The following MED25 variants were observed in gnomAD, a reference collection of about 807,000 sequenced individuals.
The protein encoded by MED25 is mediator complex subunit 25.
MED25 carries 62 observed loss-of-function variants against 89.4 expected under a neutral mutation model. The observed-to-expected ratio is 0.69, with a 90% CI of 0.57 to 0.86. The LOEUF (loss-of-function observed/expected upper bound fraction) is 0.86, where lower values mean the gene tolerates loss of function less well. Ranked by LOEUF, MED25 falls within the 40% of genes least tolerant of loss-of-function variation. The probability of loss-of-function intolerance (pLI) is 0.00; values close to 1 mark genes in which losing one functional copy is unlikely to be tolerated. For synonymous variants in MED25, 449 were observed against 427.9 expected (o/e 1.05, Z -0.61); for missense variants, 905 against 1,005.2 (o/e 0.90, Z 1.35).
chr19:49,831,861 A>G lies in MED25; in HGVS notation c.1231-75A>G. The G allele has an allele frequency of 7.4e-7, 1 of 1,352,234 alleles. No individual in the cohort carries two copies. Among genetic ancestry groups the G allele is most frequent in the Non-Finnish European group, 1.1e-6 (1 of 942,622 alleles). The allele number at this position is 1,352,234 out of a possible 1,614,324, so 83.8% of individuals were successfully genotyped here. A position where few individuals can be genotyped will look rare whatever the true frequency, so the allele number is the denominator to read the frequency against. ...GAACATCCTGAGCTTTGGGGCTACC[A>G]GGGTAGGACATGAGGGCTCAAGGGG... On this transcript the variant is annotated intron_variant, in intron 10 of 17. Coordinates refer to ENST00000312865, the MANE Select transcript of MED25 (RefSeq NM_030973.4). This position sits in a 1 kb window ranked among gnomAD's most constrained non-coding sequence, Gnocchi z 5.0.
chr19:49,828,505 C>T lies in MED25; in HGVS notation c.362C>T (p.Ala121Val), dbSNP rs1325148504. The T allele has an allele frequency of 3.1e-6, 5 of 1,613,992 alleles. No homozygotes were observed. Among genetic ancestry groups the T allele is most frequent in the African/African-American group, 1.3e-5 (1 of 74,934 alleles). The change falls in exon 4 of 18, where the codon GCC becomes GTC. Residue 121 changes from alanine to valine, a missense_variant. Transcript: ENST00000312865. ...CTCATCGCGGAAGGACTCAGCACAGCCTTGCAGCTGTTTGATGACTTCAAG... is the reference window on the plus strand; with the variant it reads ...CTCATCGCGGAAGGACTCAGCACAGTCTTGCAGCTGTTTGATGACTTCAAG... ...CSLIAEGLST[A>V]LQLFDDFKKM... is the part of the protein sequence containing the mutation.
chr19:49,826,857 C>T lies in MED25; in HGVS notation c.306-1592C>T, dbSNP rs138490773. Among the ~76,000 whole-genome samples, 73 of 152,132 alleles carry T rather than the reference C, an allele frequency of 4.8e-4. No individual in the cohort carries two copies. In the East Asian group the frequency reaches 0.011, roughly 23 times the overall value. The stretch of plus-strand genomic sequence containing the variant: ...TGTCAGTTGAGAGGACCTATAGGTG[C>T]GGGCATGGAGCAGGAGAGATGGACG... On this transcript the variant is annotated intron_variant, in intron 3 of 17. Transcript: ENST00000312865.
chr19:49,832,253 T>C lies in MED25; in HGVS notation c.1375-55T>C, dbSNP rs3745480. 0.33 allele frequency: 491,128 copies of C among 1,496,620 alleles called. 85,361 individuals carry two copies. The highest frequency in any genetic ancestry group is 0.49 in the East Asian group (20,922 of 42,332). The allele number at this position is 1,496,620 out of a possible 1,614,324, so 92.7% of individuals were successfully genotyped here. The stretch of plus-strand genomic sequence containing the variant: ...CCCCACCCCCACTCCCTGCCTCATG[T>C]CCCCGCCTCACTTGCCCACACCAGC... On this transcript the variant is annotated intron_variant, in intron 12 of 17. Transcript: ENST00000312865.
rs1233186934 is a variant in MED25 at position 49,830,328 on chromosome 19, G to A, written c.819+110G>A. The A allele has an allele frequency of 8.1e-7, 1 of 1,237,628 alleles. No homozygotes were observed. The highest frequency in any genetic ancestry group is 1.2e-6 in the Non-Finnish European group (1 of 867,626). The allele number at this position is 1,237,628 out of a possible 1,614,324, so 76.7% of individuals were successfully genotyped here. A position where few individuals can be genotyped will look rare whatever the true frequency, so the allele number is the denominator to read the frequency against. Reference sequence around the variant, plus strand: ...GCTTGTGGGATGATGGGAGTCCCATGGGACATTGGGAAGGTGGGACTCTTG... The same window carrying A: ...GCTTGTGGGATGATGGGAGTCCCATAGGACATTGGGAAGGTGGGACTCTTG... On this transcript the variant is annotated intron_variant, in intron 7 of 17. Transcript: ENST00000312865. This position sits in a 1 kb window ranked among gnomAD's most constrained non-coding sequence, Gnocchi z 4.6.
chr19:49,836,070 T>A lies in MED25; in HGVS notation c.1965+125T>A. Reference sequence around the variant, plus strand: ...GTGAATGGGGACCCGCCCAGGGCTTTAGGCAGAAGGCAGACCGCCTCCTCT... The same window carrying A: ...GTGAATGGGGACCCGCCCAGGGCTTAAGGCAGAAGGCAGACCGCCTCCTCT... On this transcript the variant is annotated intron_variant, in intron 16 of 17. Coordinates refer to ENST00000312865, the MANE Select transcript of MED25 (RefSeq NM_030973.4). This position sits in a 1 kb window ranked among gnomAD's most constrained non-coding sequence, Gnocchi z 5.1. The A allele has an allele frequency of 6.5e-7, 1 of 1,542,702 alleles. No homozygotes were observed. Among genetic ancestry groups the A allele is most frequent in the South Asian group, 1.2e-5 (1 of 84,738 alleles).
chr19:49,824,101 AG>A (rs1282361709), intron 3 of MED25, among the ~76,000 whole-genome samples: 7 of 152,202 alleles, frequency 4.6e-5, no homozygotes, highest in Non-Finnish European at 1.0e-4. Flanking sequence ...CAGCCAGCAC[AG>A]GGCCTGGTAC....
intron 2 of MED25, 94 bp from the exon 3 acceptor site, chr19:49,819,078 C>G (rs1342452573): frequency 4.7e-6 from 7 of 1,488,684 alleles, no homozygotes; most frequent in South Asian, 1.2e-5. Flanking sequence ...GTTCCTGGTT[C>G]TGGAGGAACG....
intron 3 of MED25, among the ~76,000 whole-genome samples, chr19:49,825,406 G>A (rs575727705): frequency 1.3e-5 from 2 of 152,124 alleles, no homozygotes; most frequent in East Asian, 3.9e-4. Context: ...CCACCACCAT[G>A]TCTGGCTGGT....
intron 13 of MED25, 48 bp downstream of exon 13, chr19:49,832,463 T>G: frequency 8.8e-7 from 1 of 1,136,330 alleles, no homozygotes; most frequent in Non-Finnish European, 1.3e-6. Context: ...CTTGTCCTGC[T>G]TTCTGCTGAC....
At position 49,835,655 on chromosome 19, in the gene MED25, C is replaced by T; in HGVS notation, c.1746+50C>T. ...GGGCTGGGTTGGGGAGGCCCCAAGGCTGCGCTCTGTGCCTGCAGAAGGGGC... is the reference window on the plus strand; with the variant it reads ...GGGCTGGGTTGGGGAGGCCCCAAGGTTGCGCTCTGTGCCTGCAGAAGGGGC... On this transcript the variant is annotated intron_variant, in intron 15 of 17. Coordinates refer to ENST00000312865, the MANE Select transcript of MED25 (RefSeq NM_030973.4). This position sits in a 1 kb window ranked among gnomAD's most constrained non-coding sequence, Gnocchi z 6.2. 6.4e-7 allele frequency: 1 copy of T among 1,565,180 alleles called. No individual in the cohort carries two copies. The highest frequency in any genetic ancestry group is 8.7e-7 in the Non-Finnish European group (1 of 1,155,476).
Position 49,836,130 on chromosome 19 carries a change from C to A in MED25, c.1966-96C>A. ...CCCCACCTTTGAAGAAAAACTTCCC[C>A]TCACCACTAGCTGATTCCATCTCTG... On this transcript the variant is annotated intron_variant, in intron 16 of 17. Transcript: ENST00000312865. This position sits in a 1 kb window ranked among gnomAD's most constrained non-coding sequence, Gnocchi z 5.1. The A allele has an allele frequency of 6.6e-7, 1 of 1,526,706 alleles. No individual in the cohort carries two copies. Among genetic ancestry groups the A allele is most frequent in the Non-Finnish European group, 9.0e-7 (1 of 1,116,204 alleles). 94.6% of individuals were successfully genotyped at this position (1,526,706 alleles called of 1,614,324 possible).
intron 3 of MED25, among the ~76,000 whole-genome samples, chr19:49,826,605 C>T (rs1327265912): frequency 6.6e-6 from 1 of 152,168 alleles, no homozygotes; most frequent in Non-Finnish European, 1.5e-5. Context: ...GGGTCAGACG[C>T]CTTGGTGTCT....
At chr19:49,819,379 C>A in intron 3 of MED25, 83 bp downstream of exon 3, 1 of 1,502,762 alleles carries the variant, frequency 6.7e-7, no homozygotes, top group Non-Finnish European at 9.1e-7. Flanking sequence ...GTTGGTGTCC[C>A]CGTGAGAGGC....
chr19:49,835,867 C>T lies in MED25; in HGVS notation c.1887C>T (p.Pro629=). 1 of 1,612,708 alleles carries T rather than the reference C, an allele frequency of 6.2e-7. No homozygotes were observed. The highest frequency in any genetic ancestry group is 1.3e-5 in the African/African-American group (1 of 75,036). The change falls in exon 16 of 18, where the codon CCC becomes CCT. Residue 629 remains proline, a synonymous_variant. Coordinates refer to ENST00000312865, the MANE Select transcript of MED25 (RefSeq NM_030973.4). This position sits in a 1 kb window ranked among gnomAD's most constrained non-coding sequence, Gnocchi z 6.2. The stretch of plus-strand genomic sequence containing the variant: ...CTCCTGGAGCAGCTTCTGGCCCACC[C>T]CCTCCTGGACCCATCCTTCGGCCCC... ...QGPPGAASGP[P]PPGPILRPQN...
rs775817056 is a variant in MED25 at position 49,831,323 on chromosome 19, C to T, written c.1102-10C>T. ...CCATTCTCATGGCCCTCCTTCCTCC[C>T]CTCTGGCAGGCAGGCACTGTGGCCC... is the stretch of plus-strand genomic sequence containing the variant. On this transcript the variant is annotated splice_polypyrimidine_tract_variant and intron_variant, in intron 9 of 17. Coordinates refer to ENST00000312865, the MANE Select transcript of MED25 (RefSeq NM_030973.4). This position sits in a 1 kb window ranked among gnomAD's most constrained non-coding sequence, Gnocchi z 5.0. 6.2e-6 allele frequency: 10 copies of T among 1,609,680 alleles called. No homozygotes were observed. Among genetic ancestry groups the T allele is most frequent in the Middle Eastern group, 1.7e-4 (1 of 5,926 alleles).
In MED25 at chr19:49,830,887, G is replaced by A. The variant is rs1385228642; in HGVS notation, c.1101G>A (p.Met367Ile). Residue 367 changes from methionine to isoleucine, a missense_variant and splice_region_variant, in exon 9 of 18, where the codon ATG (methionine) becomes ATA (isoleucine). Coordinates refer to ENST00000312865, the MANE Select transcript of MED25 (RefSeq NM_030973.4). This position sits in a 1 kb window ranked among gnomAD's most constrained non-coding sequence, Gnocchi z 4.6. ...CGGCACAGCCCGGGGCACCGTCCAT[G>A]GTAGGTGCCTGCACGCCTCCTGCCC... ...APTAQPGAPS[M>I]AGTVAPGGVS... The A allele has an allele frequency of 6.2e-7, 1 of 1,604,662 alleles. No homozygotes were observed. The highest frequency in any genetic ancestry group is 1.1e-5 in the South Asian group (1 of 90,674).
In MED25 at chr19:49,836,416, C is replaced by A; in HGVS notation, c.2146+10C>A. 6.3e-7 allele frequency: 1 copy of A among 1,579,646 alleles called. No homozygotes were observed. Among genetic ancestry groups the A allele is most frequent in the African/African-American group, 1.3e-5 (1 of 74,160 alleles). On this transcript the variant is annotated intron_variant, in intron 17 of 17. Coordinates refer to ENST00000312865, the MANE Select transcript of MED25 (RefSeq NM_030973.4). The surrounding 1 kb of genome is among the most constrained non-coding windows in gnomAD (Gnocchi z 5.1). ...CGGGCTCCACTGCCAGGTAAGGGGA[C>A]CCGGGGGAGGGCAGAGGTCTGGACT...
intron 3 of MED25, among the ~76,000 whole-genome samples, chr19:49,826,639 C>T (rs1009330658): frequency 2.0e-5 from 3 of 152,156 alleles, no homozygotes; most frequent in South Asian, 2.1e-4. Flanking sequence ...GCACAGGGTG[C>T]GGAGAGAAGC....
In MED25 at chr19:49,835,613, C is replaced by T; in HGVS notation, c.1746+8C>T. On this transcript the variant is annotated splice_region_variant and intron_variant, in intron 15 of 17. Transcript: ENST00000312865. This position sits in a 1 kb window ranked among gnomAD's most constrained non-coding sequence, Gnocchi z 6.2. ...AGGCCCTCACAGAATCTGGTGAGGA[C>T]AGGGCTGGCGGGGTCGGGGCTGGGT... 2 of 1,558,918 alleles carry T rather than the reference C, an allele frequency of 1.3e-6. No homozygotes were observed. Among genetic ancestry groups the T allele is most frequent in the Non-Finnish European group, 8.7e-7 (1 of 1,151,776 alleles).
Sources: allele counts gnomAD v4.1 joint callset (sites outside exome capture counted in the v4.1 genomes callset), GRCh38; gene constraint gnomAD v4.1.1; non-coding constraint Gnocchi (gnomAD v3.1); transcripts MANE v1.5; gene names NCBI Gene and HGNC (gene_info 2026-07-23, HGNC 2026-07-21).